The following PNOC variants were observed in gnomAD, a reference collection of about 807,000 sequenced individuals.
The protein encoded by PNOC is nociceptin.
A neutral mutation model predicts 15.6 loss-of-function variants in PNOC; 10 were observed. The observed-to-expected ratio is 0.64, with a 90% CI of 0.40 to 1.09. PNOC has a LOEUF of 1.09. Ranked by LOEUF, PNOC falls within the 50% of genes least tolerant of loss-of-function variation. PNOC has a pLI of 0.01. For synonymous variants in PNOC, 98 were observed against 88.5 expected (o/e 1.11, Z -0.60); for missense variants, 220 against 223.9 (o/e 0.98, Z 0.11).
chr8:28,329,109 A>T, intron 1 of PNOC, 26 bp from the exon 2 acceptor site: 1 of 1,609,306 alleles, frequency 6.2e-7, no homozygotes, highest in Non-Finnish European at 8.5e-7. Flanking sequence ...GGCTGTACTC[A>T]TTGCCATGCT....
intron 1 of PNOC, among the ~76,000 whole-genome samples, chr8:28,328,389 T>C (rs1212364673): frequency 6.6e-6 from 1 of 152,054 alleles, no homozygotes; most frequent in East Asian, 1.9e-4. Context: ...AAAGATCCCA[T>C]CTCTTAATAT....
intron 2 of PNOC, among the ~76,000 whole-genome samples, chr8:28,330,907 T>G (rs1405639787): frequency 6.6e-6 from 1 of 152,210 alleles, no homozygotes; most frequent in Non-Finnish European, 1.5e-5. Context: ...CAATTGTTTT[T>G]TACTTTATAG....
intron 2 of PNOC, 28 bp downstream of exon 2, chr8:28,329,311 C>T: frequency 6.2e-7 from 1 of 1,609,644 alleles, no homozygotes; most frequent in Non-Finnish European, 8.5e-7. Context: ...GGCAGAGAGG[C>T]TGTCCTCCTC....
intron 1 of PNOC, among the ~76,000 whole-genome samples, chr8:28,320,456 T>C (rs1801131679): frequency 6.6e-6 from 1 of 152,180 alleles, no homozygotes; most frequent in Admixed American, 6.5e-5. Context: ...TTTGTTTTTA[T>C]CTTACCTTTC....
intron 2 of PNOC, among the ~76,000 whole-genome samples, chr8:28,335,371 T>C (rs193064956): frequency 6.6e-6 from 1 of 152,356 alleles, no homozygotes. Flanking sequence ...CTCAACCACA[T>C]CATAAAATGC....
chr8:28,323,103 G>A (rs1801174626), intron 1 of PNOC, among the ~76,000 whole-genome samples: 3 of 152,094 alleles, frequency 2.0e-5, no homozygotes, highest in African/African-American at 4.8e-5. Flanking sequence ...GTCCAGCTTC[G>A]GCTAAAGCTG....
At chr8:28,340,145 T>A (rs1011788210) in intron 3 of PNOC, 1 of 152,270 alleles carries the variant, frequency 6.6e-6, no homozygotes, top group Non-Finnish European at 1.5e-5. Context: ...GTATCATTAC[T>A]GAGCAAGACG....
At position 28,337,376 on chromosome 8, in the gene PNOC, C is replaced by T. The variant is rs145045036; in HGVS notation, c.127-1664C>T. ...GGAGTGCAGTGACATGATAGCTCAC[C>T]GCAACCTCCGCCTCCCAGGTTCAAG... On this transcript the variant is annotated intron_variant, in intron 2 of 3. Coordinates refer to ENST00000301908, the MANE Select transcript of PNOC (RefSeq NM_006228.5). Among the ~76,000 whole-genome samples, 1,431 of 152,184 alleles carry T rather than the reference C, an allele frequency of 9.4e-3. 17 individuals are homozygous for T. Among genetic ancestry groups the T allele is most frequent in the African/African-American group, 0.033 (1,351 of 41,506 alleles).
chr8:28,323,424 T>C (rs1473323390), intron 1 of PNOC, among the ~76,000 whole-genome samples: 1 of 152,228 alleles, frequency 6.6e-6, no homozygotes, highest in African/African-American at 2.4e-5. Flanking sequence ...GCTATGGTTG[T>C]ATAAAAATAG....
intron 2 of PNOC, among the ~76,000 whole-genome samples, chr8:28,335,366 C>T (rs975544271): frequency 6.6e-6 from 1 of 152,224 alleles, no homozygotes; most frequent in South Asian, 2.1e-4. Context: ...CATTACTCAA[C>T]CACATCATAA....
rs1437666779 is a variant in PNOC, at chr8:28,330,386, ATTTTATTTTATTTTT to A, written c.126+1108_126+1122del. 1.8e-4 allele frequency among the ~76,000 whole-genome samples: 11 copies of A among 59,840 alleles called. No homozygotes were observed. In the East Asian group the frequency reaches 3.4e-3, roughly 19 times the overall value. The allele number at this position is 59,840 out of a possible 152,430, so 39.3% of individuals were successfully genotyped here. On this transcript the variant is annotated intron_variant, in intron 2 of 3. Transcript: ENST00000301908. ...CCTTTATTTTATTTTATTTTATTTT[ATTTTATTTTATTTTT>A]TTTTTTTTTTTGAGACGGAGTCTTG...
chr8:28,329,059 T>C, intron 1 of PNOC, 76 bp from the exon 2 acceptor site: 1 of 1,425,020 alleles, frequency 7.0e-7, no homozygotes, highest in Non-Finnish European at 9.7e-7. Context: ...TCCTGCATTC[T>C]CTGGGTTAGG....
At chr8:28,330,396 ATTTTT>A (rs67554549) in intron 2 of PNOC, among the ~76,000 whole-genome samples, 26 of 80,418 alleles carry the variant, frequency 3.2e-4, no homozygotes, top group African/African-American at 9.4e-4. Flanking sequence ...ATTTTATTTT[ATTTTT>A]TTTTTTTTTT....
At chr8:28,329,410 T>C (rs1248973261) in intron 2 of PNOC, 127 bp downstream of exon 2, 4 of 1,040,888 alleles carry the variant, frequency 3.8e-6, no homozygotes, top group Non-Finnish European at 5.6e-6. Context: ...TGCTCAGCAT[T>C]ACATGGCCCA....
chr8:28,331,624 G>A (rs1801330905), intron 2 of PNOC, among the ~76,000 whole-genome samples: 1 of 152,114 alleles, frequency 6.6e-6, no homozygotes, highest in South Asian at 2.1e-4. Context: ...CAGAAATCCT[G>A]CCTTCTCTTC....
intron 1 of PNOC, among the ~76,000 whole-genome samples, chr8:28,320,121 T>TTC (rs11441645): frequency 3.1e-5 from 4 of 127,598 alleles, no homozygotes; most frequent in African/African-American, 1.0e-4. Flanking sequence ...TTTTTTTTTT[T>TTC]CAAAATACTG....
At chr8:28,325,533 A>G (rs896218935) in intron 1 of PNOC, among the ~76,000 whole-genome samples, 1 of 151,570 alleles carries the variant, frequency 6.6e-6, no homozygotes, top group Non-Finnish European at 1.5e-5. Context: ...TGCACCTGTA[A>G]TCTTGCTACT....
Position 28,329,468 on chromosome 8 carries a change from G to A in PNOC, c.126+185G>A, listed in dbSNP as rs80265127. On this transcript the variant is annotated intron_variant, in intron 2 of 3. Coordinates refer to ENST00000301908, the MANE Select transcript of PNOC (RefSeq NM_006228.5). ...CTGCTCTTCTGACCCAGAACCTTAC[G>A]ATCTTTCCACCTTACCACCTGCAGG... Among the ~76,000 whole-genome samples the A allele has an allele frequency of 1.3e-3, 204 of 152,288 alleles. 2 individuals are homozygous for A. Among genetic ancestry groups the A allele is most frequent in the East Asian group, 2.5e-3 (13 of 5,182 alleles).
At chr8:28,322,840 T>A (rs1054851198) in intron 1 of PNOC, among the ~76,000 whole-genome samples, 25 of 152,334 alleles carry the variant, frequency 1.6e-4, no homozygotes, top group African/African-American at 6.0e-4. Context: ...AACCGGATGA[T>A]CCTAGTCAAC....
Sources: gnomAD v4.1 joint callset for allele counts (sites outside exome capture counted in the v4.1 genomes callset) on GRCh38, gnomAD v4.1.1 for gene constraint, MANE v1.5 for transcripts, NCBI Gene and HGNC (gene_info 2026-07-23, HGNC 2026-07-21) for gene names.